The following GPAM variants were observed in gnomAD, a reference collection of about 807,000 sequenced individuals.
GPAM encodes the protein glycerol-3-phosphate acyltransferase 1, mitochondrial.
In GPAM, 56 loss-of-function variants were observed where a neutral mutation model predicts 105.0. That is an observed-to-expected ratio of 0.53 (90% CI 0.43 to 0.67). The LOEUF is 0.67. GPAM is among the 30% of genes least tolerant of loss of function. The pLI is 0.00. For synonymous variants in GPAM, 368 were observed against 354.4 expected, an observed-to-expected ratio of 1.04 and a Z score of -0.43; for missense variants, 855 against 989.8, an observed-to-expected ratio of 0.86 and a Z score of 1.83.
intron 13 of GPAM, 77 bp downstream of exon 13, chr10:112,164,448 A>G: frequency 1.2e-6 from 1 of 812,814 alleles, no homozygotes; most frequent in East Asian, 2.4e-5. Flanking sequence ...CATTTTTAAT[A>G]AGGTTAATCT....
upstream of GPAM, among the ~76,000 whole-genome samples, chr10:112,217,390 T>A (rs1452424034): frequency 6.6e-6 from 1 of 152,086 alleles, no homozygotes; most frequent in Non-Finnish European, 1.5e-5. Flanking sequence ...GTCACAAATA[T>A]CCACCATTCA....
intron 1 of GPAM, among the ~76,000 whole-genome samples, chr10:112,190,888 A>G (rs896733246): frequency 6.6e-6 from 1 of 152,172 alleles, no homozygotes; most frequent in African/African-American, 2.4e-5. Flanking sequence ...CGACAGACAC[A>G]GACAACTATT....
In GPAM at chr10:112,151,490, TC is replaced by T. The variant is rs1004275304; in HGVS notation, c.*2059del. 9.1e-6 allele frequency: 9 copies of T among 985,842 alleles called. No individual in the cohort carries two copies. The highest frequency in any genetic ancestry group is 1.1e-5 in the Non-Finnish European group (9 of 829,902). The allele number at this position is 985,842 out of a possible 1,614,324, so 61.1% of individuals were successfully genotyped here. On this transcript the variant is annotated 3_prime_UTR_variant, in exon 22 of 22. Transcript: ENST00000348367. ...TTACAAAAAGCATGCATATTTATCC[TC>T]ACAGTGAGTTAAGTGGTGAGAGAGC...
intron 9 of GPAM, among the ~76,000 whole-genome samples, chr10:112,171,263 C>G (rs567629014): frequency 2.2e-4 from 34 of 152,292 alleles, no homozygotes; most frequent in African/African-American, 7.5e-4. Context: ...TCCTCTCCCC[C>G]TCTATTGAGC....
intron 1 of GPAM, among the ~76,000 whole-genome samples, chr10:112,189,195 G>T (rs964929857): frequency 7.2e-5 from 11 of 152,070 alleles, no homozygotes; most frequent in Admixed American, 2.0e-4. Context: ...AAGTAGTTTG[G>T]CATGAATTAT....
chr10:112,174,088 T>C (rs1847360991), intron 6 of GPAM, among the ~76,000 whole-genome samples: 1 of 150,002 alleles, frequency 6.7e-6, no homozygotes, highest in Non-Finnish European at 1.5e-5. Context: ...AAGAATTTAA[T>C]TCAAATTTAC....
the GPAM span, among the ~76,000 whole-genome samples, chr10:112,223,960 C>G: frequency 1.3e-5 from 2 of 152,156 alleles, no homozygotes; most frequent in Non-Finnish European, 2.9e-5. Context: ...TAGATCCTTC[C>G]TCTGACATTC....
upstream of GPAM, among the ~76,000 whole-genome samples, chr10:112,218,822 T>C (rs529937966): frequency 6.6e-6 from 1 of 152,208 alleles, no homozygotes; most frequent in East Asian, 1.9e-4. Flanking sequence ...ATTTGTAAAC[T>C]GTCATGGTGC....
chr10:112,190,181 TAAAAG>T (rs1589603226), intron 1 of GPAM, among the ~76,000 whole-genome samples: 1 of 151,896 alleles, frequency 6.6e-6, no homozygotes, highest in East Asian at 1.9e-4. Context: ...AAAAAAATAA[TAAAAG>T]AGAGAGAAAA....
At chr10:112,173,215 T>G in intron 7 of GPAM, 149 bp from the exon 8 acceptor site, 2 of 680,026 alleles carry the variant, frequency 2.9e-6, no homozygotes, top group Admixed American at 4.3e-5. Context: ...TGCACATGCA[T>G]GCACGTATGT....
chr10:112,182,480 A>G (rs1003190379), intron 2 of GPAM, among the ~76,000 whole-genome samples: 3 of 152,244 alleles, frequency 2.0e-5, no homozygotes, highest in Non-Finnish European at 2.9e-5. Context: ...CCTAAGGAAA[A>G]AGATTCACTA....
chr10:112,203,038 C>G (rs755421971), intron 1 of GPAM, among the ~76,000 whole-genome samples: 1 of 152,056 alleles, frequency 6.6e-6, no homozygotes, highest in Non-Finnish European at 1.5e-5. Context: ...TGGTGCTTGA[C>G]GGTGTGTAAG....
At chr10:112,221,533 C>T in the GPAM span, among the ~76,000 whole-genome samples, 967 of 152,264 alleles carry the variant, frequency 6.4e-3, 9 homozygotes, top group African/African-American at 0.022. Flanking sequence ...GATGCCCACT[C>T]AAATTTAAGA....
rs1298170824 is a variant in GPAM at position 112,197,442 on chromosome 10, C to CTT, written n.211-14553_211-14552dup. On this transcript the variant is annotated intron_variant and non_coding_transcript_variant, in intron 1 of 3. Transcript: ENST00000480130. ...TCTGTATGTGACCTGGTAAGGCATTCTTTTTTTTTTTTTTTTTCAGTAGTG... is the reference window on the plus strand; with the variant it reads ...TCTGTATGTGACCTGGTAAGGCATTCTTTTTTTTTTTTTTTTTTTCAGTAGTG... Among the ~76,000 whole-genome samples, 293 of 119,294 alleles carry CTT rather than the reference C, an allele frequency of 2.5e-3. 3 individuals are homozygous for CTT. Among genetic ancestry groups the CTT allele is most frequent in the Middle Eastern group, 0.014 (3 of 216 alleles). 78.3% of individuals were successfully genotyped at this position (119,294 alleles called of 152,430 possible).
At chr10:112,155,600 G>C in intron 20 of GPAM, 1 of 377,244 alleles carries the variant, frequency 2.7e-6, no homozygotes, top group South Asian at 2.7e-5. Flanking sequence ...TTATACAATG[G>C]AACACTACAC....
chr10:112,198,187 A>G (rs1235055982), intron 1 of GPAM, among the ~76,000 whole-genome samples: 2 of 152,194 alleles, frequency 1.3e-5, no homozygotes, highest in Non-Finnish European at 2.9e-5. Context: ...GGTACTAGGT[A>G]ATGTTTGCAG....
intron 14 of GPAM, among the ~76,000 whole-genome samples, 157 bp downstream of exon 14, chr10:112,163,544 C>A (rs1847160825): frequency 6.6e-6 from 1 of 152,226 alleles, no homozygotes; most frequent in South Asian, 2.1e-4. Flanking sequence ...TATCTCAAAT[C>A]CTCACGGTAT....
At chr10:112,158,224 C>G (rs6585140) in intron 18 of GPAM, 92 bp downstream of exon 18, 515,618 of 892,938 alleles carry the variant, frequency 0.58, 150,422 homozygotes, top group South Asian at 0.61. Context: ...TGCCACCATG[C>G]CTGGCCAATT....
At chr10:112,166,316 C>T in intron 12 of GPAM, 86 bp downstream of exon 12, 1 of 790,648 alleles carries the variant, frequency 1.3e-6, no homozygotes. Context: ...CCAAGTCACA[C>T]AGAGAGGTGC....
Sources: gnomAD v4.1 joint callset for allele counts (sites outside exome capture counted in the v4.1 genomes callset) on GRCh38, gnomAD v4.1.1 for gene constraint, MANE v1.5 for transcripts, NCBI Gene and HGNC (gene_info 2026-07-23, HGNC 2026-07-21) for gene names.